IDI1: variants seen among roughly 807,000 people sequenced by gnomAD.
IDI1 encodes the protein isopentenyl-diphosphate Delta-isomerase 1.
IDI1 carries 23 observed loss-of-function variants against 32.9 expected under a neutral mutation model. The observed-to-expected ratio is 0.70, with a 90% CI of 0.50 to 0.99. The LOEUF (loss-of-function observed/expected upper bound fraction) is 0.99. Ranked by LOEUF, IDI1 falls within the 50% of genes least tolerant of loss-of-function variation. The pLI is 0.00. For missense variants in IDI1, 326 were observed against 351.9 expected, an observed-to-expected ratio of 0.93 and a Z score of 0.59; for synonymous variants, 133 against 128.2, an observed-to-expected ratio of 1.04 and a Z score of -0.25.
rs183169560 is a variant in IDI1, at chr10:1,044,840, T to C, written c.141-669A>G. 2.0e-5 allele frequency among the ~76,000 whole-genome samples: 3 copies of C among 152,342 alleles called. No individual in the cohort carries two copies. The East Asian group carries it at 5.8e-4, about 29-fold the overall frequency. ...ACAGGAGAAGACTTAATTCGTTATA[T>C]TCAATAGATGCTTTAAGGCAGTGCT... On this transcript the variant is annotated intron_variant, in intron 1 of 4. Transcript: ENST00000381344.
chr10:1,047,754 G>C (rs1368366640), intron 1 of IDI1, among the ~76,000 whole-genome samples: 2 of 152,346 alleles, frequency 1.3e-5, no homozygotes, highest in African/African-American at 2.4e-5. Context: ...TAAGTGATGC[G>C]GGCCGAACGT....
chr10:1,054,369 T>C, the IDI1 span, among the ~76,000 whole-genome samples: 1 of 152,184 alleles, frequency 6.6e-6, no homozygotes, highest in Non-Finnish European at 1.5e-5. Context: ...AACACTATAG[T>C]GTACTATCCA....
Position 1,048,921 on chromosome 10 carries a change from C to G in IDI1, c.83G>C (p.Cys28Ser), listed in dbSNP as rs954183379. ...RGQWAVRAAD[C>S]AQSGRHPGPA... Reference sequence around the variant, plus strand: ...TCCCGGATGGCGCCCGCTTTGAGCACAGTCTGCGGCGCGCACCGCCCACTG... The same window carrying G: ...TCCCGGATGGCGCCCGCTTTGAGCAGAGTCTGCGGCGCGCACCGCCCACTG... Residue 28 changes from cysteine (C) to serine (S), a missense_variant, in exon 1 of 5, where the codon TGT becomes TCT. Around this residue, in one of 2 missense-constraint regions of IDI1, gnomAD observed 121 missense variants for 78.4 expected, o/e 1.54. Transcript: ENST00000381344. The G allele has an allele frequency of 6.2e-7, 1 of 1,600,162 alleles. No homozygotes were observed. Among genetic ancestry groups the G allele is most frequent in the East Asian group, 2.3e-5 (1 of 43,926 alleles).
At chr10:1,043,913 C>T in intron 2 of IDI1, 86 bp downstream of exon 2, 2 of 1,113,174 alleles carry the variant, frequency 1.8e-6, no homozygotes, top group Admixed American at 2.0e-5. Flanking sequence ...CTGAAGACTG[C>T]ACTTCCTTGA....
intron 1 of IDI1, among the ~76,000 whole-genome samples, chr10:1,048,018 CT>C (rs557382513): frequency 1.9e-4 from 29 of 152,168 alleles, no homozygotes; most frequent in African/African-American, 7.0e-4. Context: ...TTTGACATGA[CT>C]TTTTTTCCGG....
At chr10:1,042,265 A>G (rs75582092) in intron 4 of IDI1, among the ~76,000 whole-genome samples, 7,074 of 152,280 alleles carry the variant, frequency 0.046, 514 homozygotes, top group African/African-American at 0.15. Flanking sequence ...AAGAGTTTCC[A>G]TCAGAAAATC....
chr10:1,048,943 A>G lies in IDI1; in HGVS notation c.61T>C (p.Trp21Arg), dbSNP rs761860108. Reference sequence around the variant, plus strand: ...GCACAGTCTGCGGCGCGCACCGCCCACTGGCCCCGCCCCCGGGCCGCGCAG... The same window carrying G: ...GCACAGTCTGCGGCGCGCACCGCCCGCTGGCCCCGCCCCCGGGCCGCGCAG... Reference protein sequence around the residue: ...IGCAARGRGQWAVRAADCAQS... With the variant: ...IGCAARGRGQRAVRAADCAQS... The change falls in exon 1 of 5, where the codon TGG (tryptophan) becomes CGG (arginine). Residue 21 changes from tryptophan to arginine, a missense_variant. Around this residue, in one of 2 missense-constraint regions of IDI1, gnomAD observed 121 missense variants for 78.4 expected, o/e 1.54. Coordinates refer to ENST00000381344, the MANE Select transcript of IDI1 (RefSeq NM_004508.4). The G allele has an allele frequency of 9.5e-6, 15 of 1,580,416 alleles. No individual in the cohort carries two copies. The Admixed American group carries it at 2.4e-4, about 26-fold the overall frequency.
chr10:1,044,383 T>C (rs544664725), intron 1 of IDI1, among the ~76,000 whole-genome samples: 2 of 152,338 alleles, frequency 1.3e-5, no homozygotes, highest in South Asian at 2.1e-4. Context: ...ATCACAGTCA[T>C]GCTCCTGAAG....
At chr10:1,049,471 CT>C (rs141919091), upstream of IDI1, 1,062 of 76,632 alleles carry the variant, frequency 0.014, 24 homozygotes, top group South Asian at 0.018. Flanking sequence ...ACTCCCCCCC[CT>C]CCCCCCCCCC....
At chr10:1,043,919 C>G (rs1832708712) in intron 2 of IDI1, 80 bp downstream of exon 2, 2 of 1,242,134 alleles carry the variant, frequency 1.6e-6, no homozygotes, top group Non-Finnish European at 2.3e-6. Flanking sequence ...ACTGCACTTC[C>G]TTGAACAGAG....
rs1832492435 is a variant in IDI1, at chr10:1,039,685, T to C, written c.*1502A>G. The stretch of plus-strand genomic sequence containing the variant: ...TACAACAGTAGTATCTAACTCTTGC[T>C]AAGTACTTAACAAGGTGCTGGGTAG... On this transcript the variant is annotated 3_prime_UTR_variant, in exon 5 of 5. Transcript: ENST00000381344. 6.6e-6 allele frequency: 1 copy of C among 152,232 alleles called. No individual in the cohort carries two copies. The highest frequency in any genetic ancestry group is 2.4e-5 in the African/African-American group (1 of 41,458). 9.4% of individuals were successfully genotyped at this position (152,232 alleles called of 1,614,324 possible).
At position 1,045,323 on chromosome 10, in the gene IDI1, A is replaced by ACAT. The variant is rs1337700712; in HGVS notation, c.141-1153_141-1152insATG. On this transcript the variant is annotated intron_variant, in intron 1 of 4. Transcript: ENST00000381344. ...GGCACCTTTACATAGTCTGACCTTG[A>ACAT]AGTTTTTTATTCCCTTTTTTCTTCT... 1.1e-4 allele frequency among the ~76,000 whole-genome samples: 17 copies of ACAT among 152,316 alleles called. 1 individual carries two copies. The South Asian group carries it at 2.5e-3, about 22-fold the overall frequency.
intron 1 of IDI1, among the ~76,000 whole-genome samples, chr10:1,045,496 T>C (rs1308482518): frequency 6.6e-6 from 1 of 152,266 alleles, no homozygotes; most frequent in Non-Finnish European, 1.5e-5. Context: ...AGAGGGAGTC[T>C]CGTTTTGTTG....
At chr10:1,049,120 A>G, upstream of IDI1, 5 of 1,393,918 alleles carry the variant, frequency 3.6e-6, no homozygotes, top group South Asian at 7.8e-5. Context: ...CGGGAACCTG[A>G]GCCGTGACCG....
chr10:1,046,016 C>T (rs1832799710), intron 1 of IDI1, among the ~76,000 whole-genome samples: 1 of 152,146 alleles, frequency 6.6e-6, no homozygotes, highest in Non-Finnish European at 1.5e-5. Flanking sequence ...AAGTCAACTT[C>T]AGAGTTAGCC....
rs1192208264 is a variant in IDI1, at chr10:1,039,954, G to A, written c.*1233C>T. ...TTTTCAATAAAATACTTGCTAAACA[G>A]TCTTGTCTGAAATTATAAATTGCCC... On this transcript the variant is annotated 3_prime_UTR_variant, in exon 5 of 5. Coordinates refer to ENST00000381344, the MANE Select transcript of IDI1 (RefSeq NM_004508.4). 6.6e-6 allele frequency: 1 copy of A among 152,110 alleles called. No homozygotes were observed. Among genetic ancestry groups the A allele is most frequent in the African/African-American group, 2.4e-5 (1 of 41,406 alleles). The allele number at this position is 152,110 out of a possible 1,614,324, so 9.4% of individuals were successfully genotyped here.
At chr10:1,054,475 T>A in the IDI1 span, among the ~76,000 whole-genome samples, 7 of 151,786 alleles carry the variant, frequency 4.6e-5, no homozygotes, top group African/African-American at 1.7e-4. Flanking sequence ...CAAAAATGAG[T>A]CTTAGTAAAT....
chr10:1,048,747 C>A, intron 1 of IDI1, 117 bp downstream of exon 1: 2 of 1,485,930 alleles, frequency 1.3e-6, no homozygotes, highest in Non-Finnish European at 1.8e-6. Context: ...CTGTCCAGGC[C>A]TCCGCGCCGA....
chr10:1,055,913 A>G, the IDI1 span, among the ~76,000 whole-genome samples: 2 of 152,030 alleles, frequency 1.3e-5, no homozygotes, highest in Non-Finnish European at 1.5e-5. Context: ...GGTTCAAGCG[A>G]TTCTCCTGCC....
Sources: gnomAD v4.1 joint callset for allele counts (sites outside exome capture counted in the v4.1 genomes callset) on GRCh38, gnomAD v4.1.1 for gene constraint, gnomAD v4.1.1 regional missense constraint, MANE v1.5 for transcripts, NCBI Gene and HGNC (gene_info 2026-07-23, HGNC 2026-07-21) for gene names.